The following TUFT1 variants were observed in gnomAD, a reference collection of about 807,000 sequenced individuals.
TUFT1 encodes the protein tuftelin.
Under a neutral mutation model 57.8 loss-of-function variants are expected in TUFT1, and 43 were observed. The ratio of observed to expected loss-of-function variants is 0.74; its 90% CI spans 0.58 to 0.96. The LOEUF (loss-of-function observed/expected upper bound fraction) is 0.96. TUFT1 is among the 40% of genes least tolerant of loss of function. The probability of loss-of-function intolerance (pLI) is 0.00; values close to 1 mark genes in which losing one functional copy is unlikely to be tolerated. For synonymous variants in TUFT1, 166 were observed against 176.7 expected, an observed-to-expected ratio of 0.94 and a Z score of 0.48; for missense variants, 459 against 489.0, an observed-to-expected ratio of 0.94 and a Z score of 0.58.
At chr1:151,571,368 G>A (rs1347882195) in intron 7 of TUFT1, among the ~76,000 whole-genome samples, 2 of 80,028 alleles carry the variant, frequency 2.5e-5, no homozygotes, top group African/African-American at 5.0e-5. Context: ...TGTGTAGATC[G>A]AGTGAGGTAA....
intron 1 of TUFT1, among the ~76,000 whole-genome samples, chr1:151,559,718 A>G (rs376589909): frequency 2.6e-5 from 4 of 152,130 alleles, no homozygotes; most frequent in African/African-American, 7.2e-5. Flanking sequence ...TGTCTTCCCA[A>G]TCCAAAAAGT....
At chr1:151,545,182 C>T (rs911742144) in intron 1 of TUFT1, among the ~76,000 whole-genome samples, 2 of 152,038 alleles carry the variant, frequency 1.3e-5, no homozygotes, top group South Asian at 4.1e-4. Flanking sequence ...TGGTGGTGCG[C>T]ACCTATAATC....
intron 1 of TUFT1, chr1:151,561,473 GCACA>G (rs1214979013): frequency 7.1e-5 from 24 of 337,594 alleles, no homozygotes; most frequent in African/African-American, 5.8e-4. Context: ...GCGCGCGCGC[GCACA>G]CACACACACA....
intron 7 of TUFT1, among the ~76,000 whole-genome samples, chr1:151,570,132 C>T (rs1418503020): frequency 6.6e-6 from 1 of 152,114 alleles, no homozygotes; most frequent in Non-Finnish European, 1.5e-5. Context: ...ATGTCACCCC[C>T]GAGTCTCCAG....
intron 1 of TUFT1, among the ~76,000 whole-genome samples, chr1:151,543,285 G>T (rs1450334485): frequency 6.6e-6 from 1 of 151,564 alleles, no homozygotes; most frequent in Non-Finnish European, 1.5e-5. Flanking sequence ...TGTTAGTGAG[G>T]ATAGACATTT....
intron 7 of TUFT1, among the ~76,000 whole-genome samples, 154 bp from the exon 8 acceptor site, chr1:151,574,116 G>A (rs1666359414): frequency 6.6e-6 from 1 of 152,220 alleles, no homozygotes; most frequent in South Asian, 2.1e-4. Context: ...GTCCTGTGCA[G>A]TGAAGGGGAG....
Position 151,574,327 on chromosome 1 carries a change from G to C in TUFT1, c.652G>C (p.Glu218Gln). Residue 218 changes from glutamate (E) to glutamine (Q), a missense_variant, in exon 8 of 13, where the codon GAG becomes CAG. Coordinates refer to ENST00000368849, the MANE Select transcript of TUFT1 (RefSeq NM_020127.3). ...AEQSNVALQR[E>Q]EDRVEQKEAE... ...ACAAAGTAATGTGGCCCTTCAGAGA[G>C]AGGAGGACAGAGTGGAGCAGAAAGA... The C allele has an allele frequency of 2.5e-6, 4 of 1,614,204 alleles. No individual in the cohort carries two copies. Among genetic ancestry groups the C allele is most frequent in the Non-Finnish European group, 3.4e-6 (4 of 1,180,038 alleles).
chr1:151,555,364 A>G (rs1299221935), intron 1 of TUFT1, among the ~76,000 whole-genome samples: 1 of 150,986 alleles, frequency 6.6e-6, no homozygotes, highest in African/African-American at 2.4e-5. Context: ...ATACACTAAC[A>G]TTTTAATAGT....
At position 151,552,707 on chromosome 1, in the gene TUFT1, CAAAAAAAAAA is replaced by C. The variant is rs869244649; in HGVS notation, c.61-9367_61-9358del. Among the ~76,000 whole-genome samples the C allele has an allele frequency of 7.3e-3, 388 of 53,488 alleles. 4 individuals carry two copies. Among genetic ancestry groups the C allele is most frequent in the African/African-American group, 0.032 (366 of 11,506 alleles). The allele number at this position is 53,488 out of a possible 152,430, so 35.1% of individuals were successfully genotyped here. ...CGACAGAGCGAGAGGGACTCTGTCT[CAAAAAAAAAA>C]AAAAAAAAAAAAAAAAGGCATACAG... On this transcript the variant is annotated intron_variant, in intron 1 of 12. Coordinates refer to ENST00000368849, the MANE Select transcript of TUFT1 (RefSeq NM_020127.3).
At position 151,562,591 on chromosome 1, in the gene TUFT1, A is replaced by G. The variant is rs1239836192; in HGVS notation, c.142A>G (p.Arg48Gly). ...ELEHIAQKAG[R>G]KTYAMVSSHS... ...CTCATCTCTCTTTGGCCAGGCGGGC[A>G]GGAAGACCTATGCCATGGTGTCCAG... is the stretch of plus-strand genomic sequence containing the variant. Residue 48 changes from arginine (R) to glycine (G), a missense_variant, in exon 3 of 13, where the codon AGG becomes GGG. Transcript: ENST00000368849. The G allele has an allele frequency of 2.5e-6, 4 of 1,611,864 alleles. No individual in the cohort carries two copies. The Admixed American group carries it at 6.7e-5, about 27-fold the overall frequency.
chr1:151,564,374 C>T, intron 4 of TUFT1, 151 bp from the exon 5 acceptor site: 1 of 623,976 alleles, frequency 1.6e-6, no homozygotes, highest in South Asian at 2.0e-5. Flanking sequence ...TGTAGCTCCA[C>T]TTGACCAAGG....
chr1:151,540,589 G>A, intron 1 of TUFT1, 163 bp downstream of exon 1: 1 of 745,150 alleles, frequency 1.3e-6, no homozygotes, highest in Non-Finnish European at 2.2e-6. Flanking sequence ...CCTGCGACGG[G>A]CAGTGGGAGT....
At chr1:151,552,620 C>T (rs1353899262) in intron 1 of TUFT1, among the ~76,000 whole-genome samples, 2 of 134,174 alleles carry the variant, frequency 1.5e-5, no homozygotes, top group East Asian at 2.6e-4. Context: ...AGGAGAATTG[C>T]TTGAGCCCGG....
intron 7 of TUFT1, among the ~76,000 whole-genome samples, chr1:151,573,565 A>C (rs991034032): frequency 6.6e-6 from 1 of 152,110 alleles, no homozygotes; most frequent in Non-Finnish European, 1.5e-5. Flanking sequence ...ACCAACATGG[A>C]TAAACCCCGT....
At chr1:151,548,858 T>C (rs1302772147) in intron 1 of TUFT1, among the ~76,000 whole-genome samples, 1 of 152,148 alleles carries the variant, frequency 6.6e-6, no homozygotes, top group Non-Finnish European at 1.5e-5. Flanking sequence ...GAGTGAGAGC[T>C]GGGGGAACGC....
intron 1 of TUFT1, chr1:151,557,363 C>T (rs1262052929): frequency 4.8e-6 from 3 of 622,418 alleles, no homozygotes; most frequent in African/African-American, 2.0e-5. Flanking sequence ...CATTGTTATA[C>T]TTTTTGCTTT....
chr1:151,542,719 C>A (rs915132647), intron 1 of TUFT1, among the ~76,000 whole-genome samples: 2 of 152,236 alleles, frequency 1.3e-5, no homozygotes, highest in Admixed American at 6.5e-5. Flanking sequence ...GAACTTGAGA[C>A]TTATTTTACT....
At position 151,581,767 on chromosome 1, in the gene TUFT1, C is replaced by G; in HGVS notation, c.*60C>G. On this transcript the variant is annotated 3_prime_UTR_variant, in exon 13 of 13. Coordinates refer to ENST00000368849, the MANE Select transcript of TUFT1 (RefSeq NM_020127.3). Reference sequence around the variant, plus strand: ...CTCTGCCTCGGAGAAGCCCACTGCCCCTGTTGGCTGTTAACACTGCCTTTG... The same window carrying G: ...CTCTGCCTCGGAGAAGCCCACTGCCGCTGTTGGCTGTTAACACTGCCTTTG... The G allele has an allele frequency of 1.3e-6, 2 of 1,562,958 alleles. No individual in the cohort carries two copies. The highest frequency in any genetic ancestry group is 1.8e-6 in the Non-Finnish European group (2 of 1,134,030).
At chr1:151,551,831 T>C (rs551989820) in intron 1 of TUFT1, among the ~76,000 whole-genome samples, 40 of 152,310 alleles carry the variant, frequency 2.6e-4, no homozygotes, top group African/African-American at 9.6e-4. Context: ...ATAAGGAGTT[T>C]TTGACTTTTT....
Sources: gnomAD v4.1 joint callset for allele counts (sites outside exome capture counted in the v4.1 genomes callset) on GRCh38, gnomAD v4.1.1 for gene constraint, MANE v1.5 for transcripts, NCBI Gene and HGNC (gene_info 2026-07-23, HGNC 2026-07-21) for gene names.